The following OCM variants were observed in gnomAD, a reference collection of about 807,000 sequenced individuals.
The protein encoded by OCM is oncomodulin.
A neutral mutation model predicts 14.1 loss-of-function variants in OCM; 18 were observed. That is an observed-to-expected ratio of 1.28 (90% CI 0.88 to 1.89). The LOEUF (loss-of-function observed/expected upper bound fraction) is 1.89, where lower values mean the gene tolerates loss of function less well. Ranked by LOEUF, OCM falls within the 40% of genes most tolerant of loss-of-function variation. The pLI is 0.00. For synonymous variants in OCM, 48 were observed against 51.0 expected (o/e 0.94, Z 0.25); for missense variants, 140 against 137.6 (o/e 1.02, Z -0.09).
intron 3 of OCM, among the ~76,000 whole-genome samples, chr7:5,885,533 T>C (rs2128607501): frequency 6.6e-6 from 1 of 152,192 alleles, no homozygotes; most frequent in Admixed American, 6.5e-5. Context: ...TAAATAAGAT[T>C]ATTCAGAGAA....
intron 3 of OCM, among the ~76,000 whole-genome samples, chr7:5,884,221 T>C (rs1422543936): frequency 2.6e-5 from 4 of 152,192 alleles, no homozygotes; most frequent in Admixed American, 1.3e-4. Flanking sequence ...CTGGTCACAC[T>C]GGTCATTGTC....
At chr7:5,863,608 C>G in the OCM span, among the ~76,000 whole-genome samples, 2 of 151,180 alleles carry the variant, frequency 1.3e-5, no homozygotes, top group Admixed American at 6.6e-5. Flanking sequence ...TCTCAGCTCA[C>G]TGCAACCTCC....
At chr7:5,865,680 AG>A in the OCM span, among the ~76,000 whole-genome samples, 1 of 152,208 alleles carries the variant, frequency 6.6e-6, no homozygotes, top group East Asian at 1.9e-4. Flanking sequence ...AATCACCTCT[AG>A]CGATGGGAGA....
At position 5,886,341 on chromosome 7, in the gene OCM, C is replaced by G. The variant is rs1345537345; in HGVS notation, c.*252C>G. On this transcript the variant is annotated 3_prime_UTR_variant, in exon 4 of 4. Transcript: ENST00000242104. ...ACAGGCAATGCCTCTAAAAATCACC[C>G]AATAAAGACAGGCTTCTCATCATCT... The G allele has an allele frequency of 7.8e-6, 4 of 511,802 alleles. No homozygotes were observed. The highest frequency in any genetic ancestry group is 7.6e-5 in the African/African-American group (4 of 52,362). 31.7% of individuals were successfully genotyped at this position (511,802 alleles called of 1,614,324 possible).
At chr7:5,868,605 A>G in the OCM span, among the ~76,000 whole-genome samples, 1 of 152,158 alleles carries the variant, frequency 6.6e-6, no homozygotes, top group Non-Finnish European at 1.5e-5. Context: ...CATAGCCAGT[A>G]GTCTCTCAGA....
At position 5,882,463 on chromosome 7, in the gene OCM, C is replaced by T. The variant is rs112157770; in HGVS notation, c.62-30C>T. The T allele has an allele frequency of 1.4e-3, 2,276 of 1,599,012 alleles. 29 individuals carry two copies. In the African/African-American group the frequency reaches 0.026, roughly 18 times the overall value. ...CCAACATAGAATGTGATCCAACAAG[C>T]GTCAGAATAACCAATTCTCTGTTCT... On this transcript the variant is annotated intron_variant, in intron 1 of 3. Coordinates refer to ENST00000242104, the MANE Select transcript of OCM (RefSeq NM_001097622.2).
At chr7:5,870,048 A>G in the OCM span, among the ~76,000 whole-genome samples, 3 of 137,066 alleles carry the variant, frequency 2.2e-5, no homozygotes, top group South Asian at 2.1e-4. Context: ...TTTCTTCGTT[A>G]TTATATATTT....
At chr7:5,872,798 C>T in the OCM span, among the ~76,000 whole-genome samples, 1 of 152,244 alleles carries the variant, frequency 6.6e-6, no homozygotes, top group South Asian at 2.1e-4. Context: ...TGTTTATCTG[C>T]TGACCTTCTC....
chr7:5,882,888 G>C lies in OCM; in HGVS notation c.194+263G>C, dbSNP rs556742224. Among the ~76,000 whole-genome samples the C allele has an allele frequency of 9.5e-5, 14 of 147,842 alleles. No homozygotes were observed. The East Asian group carries it at 2.8e-3, about 29-fold the overall frequency. On this transcript the variant is annotated intron_variant, in intron 2 of 3. Coordinates refer to ENST00000242104, the MANE Select transcript of OCM (RefSeq NM_001097622.2). Reference sequence around the variant, plus strand: ...GACAGGGCCTCACTCTGTTGCCCAGGCTGGAGTGCAGTGGGGTGATCTCAG... The same window carrying C: ...GACAGGGCCTCACTCTGTTGCCCAGCCTGGAGTGCAGTGGGGTGATCTCAG...
At chr7:5,866,955 G>A in the OCM span, among the ~76,000 whole-genome samples, 1 of 152,100 alleles carries the variant, frequency 6.6e-6, no homozygotes, top group South Asian at 2.1e-4. Flanking sequence ...CGTAGTGCCT[G>A]TTTCACTTTA....
the OCM span, among the ~76,000 whole-genome samples, chr7:5,871,180 C>CT: frequency 3.3e-3 from 502 of 151,612 alleles, 2 homozygotes; most frequent in Middle Eastern, 0.014. Flanking sequence ...GAGCCCCCCC[C>CT]CCGTCTCTAC....
chr7:5,875,819 G>C (rs1289679953), upstream of OCM, among the ~76,000 whole-genome samples: 2 of 151,312 alleles, frequency 1.3e-5, no homozygotes, highest in Non-Finnish European at 2.9e-5. Flanking sequence ...AAACTCTTAA[G>C]ACTTATTTTC....
At chr7:5,866,992 T>A in the OCM span, among the ~76,000 whole-genome samples, 218 of 152,348 alleles carry the variant, frequency 1.4e-3, 1 homozygote, top group Non-Finnish European at 2.3e-3. Context: ...TTTTTCCATA[T>A]CATTAAGTAG....
chr7:5,882,043 C>T lies in OCM; in HGVS notation c.62-450C>T, dbSNP rs577347841. On this transcript the variant is annotated intron_variant, in intron 1 of 3. Coordinates refer to ENST00000242104, the MANE Select transcript of OCM (RefSeq NM_001097622.2). ...CAGAGGTTGCAGTGAGCCGAGATCA[C>T]GCCACTGCACTCCAGCCTGGTGACA... 4.8e-3 allele frequency among the ~76,000 whole-genome samples: 616 copies of T among 129,188 alleles called. 2 individuals carry two copies. Among genetic ancestry groups the T allele is most frequent in the Non-Finnish European group, 7.8e-3 (509 of 65,070 alleles). The allele number at this position is 129,188 out of a possible 152,430, so 84.8% of individuals were successfully genotyped here. A position where few individuals can be genotyped will look rare whatever the true frequency, so the allele number is the denominator to read the frequency against.
the OCM span, among the ~76,000 whole-genome samples, chr7:5,869,929 G>C: frequency 1.3e-4 from 20 of 152,246 alleles, no homozygotes; most frequent in East Asian, 3.9e-3. Flanking sequence ...TGTGTGAATT[G>C]CAAGTGAAAC....
At chr7:5,875,095 T>C (rs10269879), upstream of OCM, among the ~76,000 whole-genome samples, 92,402 of 149,078 alleles carry the variant, frequency 0.62, 29,350 homozygotes, top group Admixed American at 0.72. Flanking sequence ...TGCTCTGTCA[T>C]CCAGGCTGGA....
the OCM span, among the ~76,000 whole-genome samples, chr7:5,874,147 C>G: frequency 6.9e-6 from 1 of 145,006 alleles, no homozygotes; most frequent in Non-Finnish European, 1.5e-5. Flanking sequence ...TCTCGTGAAC[C>G]TCGGAGGTGG....
the OCM span, among the ~76,000 whole-genome samples, chr7:5,870,007 C>A: frequency 1.4e-4 from 21 of 152,172 alleles, no homozygotes; most frequent in Non-Finnish European, 2.6e-4. Context: ...CTCATAGCAA[C>A]AAAACCATAG....
Position 5,882,677 on chromosome 7 carries a change from G to C in OCM, c.194+52G>C, listed in dbSNP as rs550794713. ...TACCCGGCACTGCTGAGTGGGCCTG[G>C]GGTGCAGTGGGGGCCAGGTTGCTCA... On this transcript the variant is annotated intron_variant, in intron 2 of 3. Coordinates refer to ENST00000242104, the MANE Select transcript of OCM (RefSeq NM_001097622.2). 1.2e-4 allele frequency: 197 copies of C among 1,601,772 alleles called. 3 individuals carry two copies. The Admixed American group carries it at 3.2e-3, about 26-fold the overall frequency.
Sources: allele counts gnomAD v4.1 joint callset (sites outside exome capture counted in the v4.1 genomes callset), GRCh38; gene constraint gnomAD v4.1.1; transcripts MANE v1.5; gene names NCBI Gene and HGNC (gene_info 2026-07-23, HGNC 2026-07-21).